DPP10: variants seen among roughly 807,000 people sequenced by gnomAD.
DPP10 encodes the protein inactive dipeptidyl peptidase 10.
In DPP10, 33 loss-of-function variants were observed where a neutral mutation model predicts 120.9. That is an observed-to-expected ratio of 0.27 (90% CI 0.21 to 0.37). The LOEUF (loss-of-function observed/expected upper bound fraction) is 0.37. Ranked by LOEUF, DPP10 falls within the 10% of genes least tolerant of loss-of-function variation. The pLI, the probability that DPP10 is intolerant of heterozygous loss-of-function variation, is 1.00. For missense variants in DPP10, 816 were observed against 942.8 expected, an observed-to-expected ratio of 0.87 and a Z score of 1.76; for synonymous variants, 337 against 326.1, an observed-to-expected ratio of 1.03 and a Z score of -0.36.
intron 5 of DPP10, among the ~76,000 whole-genome samples, chr2:115,550,958 A>G (rs1252555646): frequency 1.3e-5 from 2 of 152,162 alleles, no homozygotes; most frequent in African/African-American, 4.8e-5. Context: ...CATTCAAAAT[A>G]TAATTTATTG....
At chr2:115,568,488 AT>A (rs2081149436) in intron 5 of DPP10, among the ~76,000 whole-genome samples, 2 of 152,180 alleles carry the variant, frequency 1.3e-5, no homozygotes, top group Non-Finnish European at 2.9e-5. Context: ...TCTAAAAAAA[AT>A]AAAGAAAGAA....
chr2:115,366,179 A>G (rs1304294321), intron 3 of DPP10, among the ~76,000 whole-genome samples: 1 of 151,964 alleles, frequency 6.6e-6, no homozygotes, highest in East Asian at 1.9e-4. Flanking sequence ...GGATGCCTAT[A>G]ATGCTCTGGA....
intron 1 of DPP10, among the ~76,000 whole-genome samples, chr2:114,871,667 G>A (rs1432217985): frequency 6.6e-6 from 1 of 152,084 alleles, no homozygotes; most frequent in African/African-American, 2.4e-5. Flanking sequence ...ATTCGAGGGG[G>A]TACATGTTTA....
intron 13 of DPP10, among the ~76,000 whole-genome samples, chr2:115,775,026 T>G (rs1681925720): frequency 6.6e-6 from 1 of 152,096 alleles, no homozygotes; most frequent in Non-Finnish European, 1.5e-5. Flanking sequence ...AAAATATAAT[T>G]TCTATTCATA....
At chr2:115,483,560 G>A (rs2075579400) in intron 3 of DPP10, among the ~76,000 whole-genome samples, 1 of 151,992 alleles carries the variant, frequency 6.6e-6, no homozygotes, top group Non-Finnish European at 1.5e-5. Context: ...CATAGAAGAG[G>A]TGGACTTTCA....
intron 3 of DPP10, among the ~76,000 whole-genome samples, chr2:115,380,423 T>C (rs974605161): frequency 4.6e-5 from 7 of 152,180 alleles, no homozygotes; most frequent in African/African-American, 1.7e-4. Flanking sequence ...TCTTCCATCC[T>C]TTGGTTTTGA....
chr2:115,459,726 A>G (rs2073866251), intron 3 of DPP10, among the ~76,000 whole-genome samples: 2 of 151,954 alleles, frequency 1.3e-5, no homozygotes, highest in Admixed American at 6.6e-5. Flanking sequence ...AAAACTAAAT[A>G]TAATATGAAT....
chr2:114,778,880 A>C (rs1682008593), intron 1 of DPP10, among the ~76,000 whole-genome samples: 1 of 152,108 alleles, frequency 6.6e-6, no homozygotes, highest in Non-Finnish European at 1.5e-5. Flanking sequence ...AATTGACCGA[A>C]AGACAAAGCG....
chr2:114,892,757 C>G (rs1452991919), intron 1 of DPP10, among the ~76,000 whole-genome samples: 1 of 152,074 alleles, frequency 6.6e-6, no homozygotes, highest in African/African-American at 2.4e-5. Context: ...TTTGATGAGG[C>G]TTTTTAATCA....
intron 1 of DPP10, among the ~76,000 whole-genome samples, chr2:114,887,987 C>T (rs1692210669): frequency 6.6e-6 from 1 of 151,456 alleles, no homozygotes; most frequent in Middle Eastern, 3.2e-3. Context: ...ACTAAAAATA[C>T]AAAAAATTAG....
Position 114,976,370 on chromosome 2 carries a change from A to G in DPP10, c.61-332869A>G, listed in dbSNP as rs77671520. Among the ~76,000 whole-genome samples the G allele has an allele frequency of 9.8e-3, 1,493 of 152,246 alleles. 20 individuals carry two copies. The highest frequency in any genetic ancestry group is 0.034 in the African/African-American group (1,416 of 41,550). On this transcript the variant is annotated intron_variant, in intron 1 of 25. Transcript: ENST00000410059. ...TTCAATGCATACTGCAACTTCTACC[A>G]TGGTATCTCCATTTCGTAGTTATTT...
chr2:115,354,178 G>C (rs997926443), intron 3 of DPP10, among the ~76,000 whole-genome samples: 1 of 152,060 alleles, frequency 6.6e-6, no homozygotes, highest in Non-Finnish European at 1.5e-5. Flanking sequence ...TTTTATTTTA[G>C]ATTCAGGGGT....
chr2:114,449,139 G>C (rs935736230), intron 1 of DPP10, among the ~76,000 whole-genome samples: 2 of 152,130 alleles, frequency 1.3e-5, no homozygotes, highest in African/African-American at 2.4e-5. Context: ...CAGAAATTGT[G>C]CTGGAGAAAT....
chr2:115,187,951 T>G (rs2054576900), intron 1 of DPP10, among the ~76,000 whole-genome samples: 1 of 150,932 alleles, frequency 6.6e-6, no homozygotes, highest in African/African-American at 2.4e-5. Flanking sequence ...CCCTGAGAGG[T>G]CAAGGCTGCA....
At chr2:115,718,992 G>A (rs866327502) in intron 7 of DPP10, among the ~76,000 whole-genome samples, 2 of 151,910 alleles carry the variant, frequency 1.3e-5, no homozygotes, top group Non-Finnish European at 2.9e-5. Context: ...TCTCCTGTGG[G>A]TTCCAGTTTA....
At chr2:115,641,335 C>T (rs748837850) in intron 5 of DPP10, among the ~76,000 whole-genome samples, 1 of 152,182 alleles carries the variant, frequency 6.6e-6, no homozygotes, top group Non-Finnish European at 1.5e-5. Context: ...GATTTGTCCT[C>T]ACCTGTTTTC....
intron 1 of DPP10, among the ~76,000 whole-genome samples, chr2:114,885,790 C>G (rs1304598262): frequency 6.6e-6 from 1 of 152,152 alleles, no homozygotes; most frequent in East Asian, 1.9e-4. Flanking sequence ...TACGATTTAG[C>G]ACATGGAATA....
chr2:115,325,220 T>A (rs941450509), intron 2 of DPP10, among the ~76,000 whole-genome samples: 7 of 152,170 alleles, frequency 4.6e-5, no homozygotes, highest in African/African-American at 1.7e-4. Context: ...AAACAATGTC[T>A]GCAAAGTGTA....
Position 115,377,992 on chromosome 2 carries a change from C to G in DPP10, c.271+34080C>G, listed in dbSNP as rs1313847232. Among the ~76,000 whole-genome samples the G allele has an allele frequency of 9.2e-5, 14 of 151,848 alleles. No homozygotes were observed. In the East Asian group the frequency reaches 2.7e-3, roughly 29 times the overall value. On this transcript the variant is annotated intron_variant, in intron 3 of 25. Coordinates refer to ENST00000410059, the MANE Select transcript of DPP10 (RefSeq NM_020868.6). ...AGTTTGAAGTCAGGTAGTGTGATGC[C>G]TCCAGCTTTGTTCTTTTGGCTTAGG...
Sources: gnomAD v4.1 joint callset for allele counts (sites outside exome capture counted in the v4.1 genomes callset) on GRCh38, gnomAD v4.1.1 for gene constraint, MANE v1.5 for transcripts, NCBI Gene and HGNC (gene_info 2026-07-23, HGNC 2026-07-21) for gene names.